SUGCT: variants seen among roughly 807,000 people sequenced by gnomAD.
The protein encoded by SUGCT is succinyl-CoA:glutarate-CoA transferase.
SUGCT carries 41 observed loss-of-function variants against 55.0 expected under a neutral mutation model. That is an observed-to-expected ratio of 0.74 (90% CI 0.58 to 0.97). The LOEUF (loss-of-function observed/expected upper bound fraction) is 0.97, where lower values mean the gene tolerates loss of function less well. SUGCT is among the 50% of genes least tolerant of loss of function. The pLI, the probability that SUGCT is intolerant of heterozygous loss-of-function variation, is 0.00. For synonymous variants in SUGCT, 187 were observed against 200.4 expected (o/e 0.93, Z 0.56); for missense variants, 568 against 547.8 (o/e 1.04, Z -0.37).
intron 9 of SUGCT, among the ~76,000 whole-genome samples, chr7:40,326,428 C>T (rs1443451833): frequency 2.6e-5 from 4 of 152,100 alleles, no homozygotes; most frequent in East Asian, 1.9e-4. Context: ...GAAATAGTCT[C>T]TATGAAAACT....
At chr7:40,332,709 A>C (rs969331201) in intron 9 of SUGCT, among the ~76,000 whole-genome samples, 1 of 152,180 alleles carries the variant, frequency 6.6e-6, no homozygotes, top group African/African-American at 2.4e-5. Context: ...ATAATGGTGC[A>C]TTGAGGTGTT....
chr7:40,700,568 C>A (rs1785131674), intron 12 of SUGCT, among the ~76,000 whole-genome samples: 1 of 152,172 alleles, frequency 6.6e-6, no homozygotes, highest in African/African-American at 2.4e-5. Flanking sequence ...TTTGTTGTGA[C>A]TGAAAATTGA....
chr7:40,998,595 C>T, the SUGCT span, among the ~76,000 whole-genome samples: 1 of 152,202 alleles, frequency 6.6e-6, no homozygotes, highest in South Asian at 2.1e-4. Context: ...GTTACATCAA[C>T]TAGGGAGCTT....
chr7:40,864,220 G>C (rs955504819), downstream of SUGCT, among the ~76,000 whole-genome samples: 2 of 152,056 alleles, frequency 1.3e-5, no homozygotes, highest in East Asian at 3.9e-4. Flanking sequence ...GCAGTGGTGC[G>C]ATCTCAGCTC....
At chr7:40,340,451 A>G (rs1796983266) in intron 9 of SUGCT, among the ~76,000 whole-genome samples, 2 of 152,208 alleles carry the variant, frequency 1.3e-5, no homozygotes, top group African/African-American at 4.8e-5. Context: ...GCATTAAGTT[A>G]AAAAATGAAA....
intron 12 of SUGCT, among the ~76,000 whole-genome samples, chr7:40,652,898 C>T (rs1255821003): frequency 1.3e-5 from 2 of 152,180 alleles, no homozygotes; most frequent in Admixed American, 6.5e-5. Context: ...TCTTCAGAAC[C>T]TCATGTCTGT....
intron 12 of SUGCT, among the ~76,000 whole-genome samples, chr7:40,713,586 C>T (rs1036823200): frequency 2.0e-5 from 3 of 152,150 alleles, no homozygotes; most frequent in African/African-American, 2.4e-5. Context: ...CAAGTCCTAC[C>T]AAGGCATTCT....
At chr7:40,594,213 A>T (rs759272787) in intron 12 of SUGCT, among the ~76,000 whole-genome samples, 8 of 151,950 alleles carry the variant, frequency 5.3e-5, no homozygotes, top group Non-Finnish European at 7.4e-5. Flanking sequence ...ATTGGGAGAG[A>T]TCCCTAATGC....
chr7:40,792,392 G>C (rs527805597), intron 13 of SUGCT, among the ~76,000 whole-genome samples: 1 of 152,202 alleles, frequency 6.6e-6, no homozygotes, highest in Non-Finnish European at 1.5e-5. Context: ...ATTGCTCACA[G>C]GGTTATTGTC....
intron 9 of SUGCT, among the ~76,000 whole-genome samples, chr7:40,359,309 A>G (rs1344372051): frequency 1.3e-5 from 2 of 152,172 alleles, no homozygotes; most frequent in African/African-American, 4.8e-5. Context: ...GGTTCAAGCC[A>G]TTCTCCTGTC....
At chr7:40,451,692 T>C (rs1376454583) in intron 10 of SUGCT, among the ~76,000 whole-genome samples, 2 of 152,226 alleles carry the variant, frequency 1.3e-5, no homozygotes, top group East Asian at 3.8e-4. Flanking sequence ...TGCAATCTGA[T>C]TGACTTTTTC....
the SUGCT span, among the ~76,000 whole-genome samples, chr7:40,866,054 G>T: frequency 1.3e-5 from 2 of 152,016 alleles, no homozygotes; most frequent in African/African-American, 2.4e-5. Flanking sequence ...CCTGCTTTGC[G>T]TCCTGTCACT....
At chr7:40,943,002 T>C in the SUGCT span, among the ~76,000 whole-genome samples, 8 of 152,046 alleles carry the variant, frequency 5.3e-5, no homozygotes, top group Non-Finnish European at 8.8e-5. Context: ...TTTTCACCTT[T>C]CTCTTGTATC....
intron 13 of SUGCT, among the ~76,000 whole-genome samples, chr7:40,783,888 T>C (rs1789883851): frequency 6.6e-6 from 1 of 152,180 alleles, no homozygotes; most frequent in Non-Finnish European, 1.5e-5. Context: ...AATTGGTTTA[T>C]ACCCTTTAAA....
At chr7:40,144,899 A>AC (rs1415395677) in intron 1 of SUGCT, among the ~76,000 whole-genome samples, 5 of 152,178 alleles carry the variant, frequency 3.3e-5, no homozygotes, top group Non-Finnish European at 7.3e-5. Flanking sequence ...GCTATTAGTG[A>AC]TAAACTTAAT....
chr7:40,778,459 T>C (rs1418856958), intron 13 of SUGCT, among the ~76,000 whole-genome samples: 1 of 152,242 alleles, frequency 6.6e-6, no homozygotes, highest in African/African-American at 2.4e-5. Flanking sequence ...TACCCATTTA[T>C]TTTTTTCCTG....
At chr7:40,575,225 T>C (rs1796674605) in intron 12 of SUGCT, among the ~76,000 whole-genome samples, 1 of 152,000 alleles carries the variant, frequency 6.6e-6, no homozygotes, top group South Asian at 2.1e-4. Flanking sequence ...AAGTTTAAAG[T>C]GTTATACTTT....
At chr7:40,204,524 G>A (rs560968348) in intron 6 of SUGCT, among the ~76,000 whole-genome samples, 2 of 151,980 alleles carry the variant, frequency 1.3e-5, no homozygotes, top group South Asian at 4.2e-4. Context: ...GGATGGTCTC[G>A]ATCTCCTGGC....
intron 11 of SUGCT, among the ~76,000 whole-genome samples, chr7:40,469,454 T>G (rs1333924216): frequency 6.6e-6 from 1 of 152,216 alleles, no homozygotes; most frequent in African/African-American, 2.4e-5. Flanking sequence ...TGTGGTACAT[T>G]TTCTGAATGT....
Sources: allele counts gnomAD v4.1 joint callset (sites outside exome capture counted in the v4.1 genomes callset), GRCh38; gene constraint gnomAD v4.1.1; transcripts MANE v1.5; gene names NCBI Gene and HGNC (gene_info 2026-07-23, HGNC 2026-07-21).